Variants in RNF34 observed in about 807,000 individuals in gnomAD.
RNF34 encodes E3 ubiquitin-protein ligase RNF34.
A neutral mutation model predicts 37.9 loss-of-function variants in RNF34; 12 were observed. That is an observed-to-expected ratio of 0.32 (90% CI 0.20 to 0.51). RNF34 has a LOEUF of 0.51. Ranked by LOEUF, RNF34 falls within the 20% of genes least tolerant of loss-of-function variation. The pLI is 0.97. For missense variants in RNF34, 362 were observed against 472.7 expected, an observed-to-expected ratio of 0.77 and a Z score of 2.17; for synonymous variants, 155 against 177.2, an observed-to-expected ratio of 0.87 and a Z score of 1.00.
chr12:121,420,301 T>G lies in RNF34; in HGVS notation c.693T>G (p.Asp231Glu), dbSNP rs1290463874. The change falls in exon 4 of 6, where the codon GAT becomes GAG. Residue 231 changes from aspartate (D) to glutamate (E), a missense_variant. Transcript: ENST00000361234. Reference protein sequence around the residue: ...TEDDDDDDDEDDDDEEENAED... With the variant: ...TEDDDDDDDEEDDDEEENAED... ...ATGATGATGACGACGATGATGAGGA[T>G]GATGATGATGAAGAAGAAAACGCAG... 5 of 1,575,624 alleles carry G rather than the reference T, an allele frequency of 3.2e-6. No homozygotes were observed. Among genetic ancestry groups the G allele is most frequent in the Non-Finnish European group, 4.3e-6 (5 of 1,156,184 alleles).
intron 1 of RNF34, among the ~76,000 whole-genome samples, chr12:121,411,783 G>A (rs1555281393): frequency 6.6e-6 from 1 of 152,184 alleles, no homozygotes; most frequent in Non-Finnish European, 1.5e-5. Flanking sequence ...TAGTCCAGGA[G>A]GCAACATCAG....
intron 1 of RNF34, among the ~76,000 whole-genome samples, chr12:121,414,742 G>A (rs1246296102): frequency 2.0e-5 from 3 of 151,494 alleles, no homozygotes; most frequent in Non-Finnish European, 4.4e-5. Context: ...GCTTGATCTC[G>A]GATCACAACA....
At chr12:121,402,847 G>T (rs368630147) in intron 1 of RNF34, 3 of 1,459,142 alleles carry the variant, frequency 2.1e-6, no homozygotes, top group South Asian at 1.2e-5. Flanking sequence ...TGTAATAATC[G>T]ATCAGTTTGG....
At chr12:121,413,407 T>C (rs1351402856) in intron 1 of RNF34, among the ~76,000 whole-genome samples, 18 of 138,266 alleles carry the variant, frequency 1.3e-4, no homozygotes, top group African/African-American at 4.7e-4. Context: ...GTTATAATTT[T>C]ACCTGTCCTT....
intron 1 of RNF34, among the ~76,000 whole-genome samples, chr12:121,413,718 C>G (rs1192747568): frequency 6.6e-6 from 1 of 151,810 alleles, no homozygotes; most frequent in South Asian, 2.1e-4. Context: ...GCTGGGACTA[C>G]AGGCCCCACC....
At chr12:121,405,976 G>C (rs1555280621) in intron 1 of RNF34, among the ~76,000 whole-genome samples, 1 of 151,196 alleles carries the variant, frequency 6.6e-6, no homozygotes, top group Non-Finnish European at 1.5e-5. Context: ...TGTATTTTTA[G>C]TAGAGACGGG....
In RNF34 at chr12:121,415,840, C is replaced by CTT. The variant is rs782608817; in HGVS notation, c.7-299_7-298dup. Among the ~76,000 whole-genome samples, 462 of 108,060 alleles carry CTT rather than the reference C, an allele frequency of 4.3e-3. 13 individuals carry two copies. Among genetic ancestry groups the CTT allele is most frequent in the South Asian group, 0.019 (60 of 3,220 alleles). 70.9% of individuals were successfully genotyped at this position (108,060 alleles called of 152,430 possible). A position where few individuals can be genotyped will look rare whatever the true frequency, so the allele number is the denominator to read the frequency against. ...ACCACAGGACAGACTTTTGTCCAGTCTTTTTTTTTTTTTTTTTTTTTACAT... is the reference window on the plus strand; with the variant it reads ...ACCACAGGACAGACTTTTGTCCAGTCTTTTTTTTTTTTTTTTTTTTTTTACAT... On this transcript the variant is annotated intron_variant, in intron 1 of 5. Coordinates refer to ENST00000361234, the MANE Select transcript of RNF34 (RefSeq NM_025126.4).
intron 4 of RNF34, 112 bp downstream of exon 4, chr12:121,420,446 T>C (rs1343934347): frequency 6.5e-7 from 1 of 1,550,058 alleles, no homozygotes; most frequent in Non-Finnish European, 8.8e-7. Flanking sequence ...GGTTTGAATG[T>C]AGGACAGTAT....
intron 1 of RNF34, among the ~76,000 whole-genome samples, chr12:121,406,216 G>A (rs1168802252): frequency 6.6e-6 from 1 of 152,146 alleles, no homozygotes; most frequent in Non-Finnish European, 1.5e-5. Flanking sequence ...AATGACATGA[G>A]GATATCTAGG....
intron 5 of RNF34, among the ~76,000 whole-genome samples, chr12:121,422,403 A>G (rs1872246485): frequency 6.6e-6 from 1 of 151,104 alleles, no homozygotes. Context: ...CTCCACACAG[A>G]AGGAGAGACC....
At chr12:121,414,289 A>C (rs1225383783) in intron 1 of RNF34, among the ~76,000 whole-genome samples, 1 of 152,260 alleles carries the variant, frequency 6.6e-6, no homozygotes, top group Non-Finnish European at 1.5e-5. Flanking sequence ...AGATTCTAGA[A>C]TATGCTTAAG....
Position 121,417,206 on chromosome 12 carries a change from AGCTCTGTTTTGTTAATTACAT to A in RNF34, c.226-296_226-276del, listed in dbSNP as rs1307454338. 6.6e-6 allele frequency among the ~76,000 whole-genome samples: 1 copy of A among 152,238 alleles called. No individual in the cohort carries two copies. Among genetic ancestry groups the A allele is most frequent in the African/African-American group, 2.4e-5 (1 of 41,466 alleles). ...TCTGCTTTCTGCTCTGTGTGGTTCA[AGCTCTGTTTTGTTAATTACAT>A]GTTTATACCAAGGGGTGGAAAGGTT... On this transcript the variant is annotated intron_variant, in intron 2 of 5. Transcript: ENST00000361234. This position sits in a 1 kb window ranked among gnomAD's most constrained non-coding sequence, Gnocchi z 5.0.
intron 1 of RNF34, among the ~76,000 whole-genome samples, chr12:121,410,744 A>C (rs1870983939): frequency 6.6e-6 from 1 of 152,106 alleles, no homozygotes; most frequent in African/African-American, 2.4e-5. Context: ...TCATGTTCTC[A>C]TTGGAAGATT....
intron 1 of RNF34, among the ~76,000 whole-genome samples, chr12:121,404,162 ATT>A (rs372156640): frequency 1.1e-3 from 157 of 144,040 alleles, no homozygotes; most frequent in African/African-American, 3.5e-3. Flanking sequence ...TGCCCGGCTA[ATT>A]TTTTTTTTTT....
chr12:121,400,977 A>T (rs1444377290), intron 1 of RNF34, among the ~76,000 whole-genome samples: 1 of 152,172 alleles, frequency 6.6e-6, no homozygotes, highest in Non-Finnish European at 1.5e-5. Flanking sequence ...CAGTCAGTTC[A>T]GGGTATTGAT....
Position 121,420,286 on chromosome 12 carries a change from C to T in RNF34, c.678C>T (p.Asp226=), listed in dbSNP as rs202132357. Residue 226 remains aspartate (D), a synonymous_variant, in exon 4 of 6, where the codon GAC becomes GAT. Coordinates refer to ENST00000361234, the MANE Select transcript of RNF34 (RefSeq NM_025126.4). ...CAGCAAACACAGAAGATGATGATGA[C>T]GACGATGATGAGGATGATGATGATG... The part of the protein sequence containing the change: ...ITSANTEDDD[D]DDDEDDDDEE... The T allele has an allele frequency of 1.8e-5, 28 of 1,595,014 alleles. No homozygotes were observed. In the Admixed American group the frequency reaches 1.9e-4, roughly 11 times the overall value.
rs1555282210 is a variant in RNF34 at position 121,416,396 on chromosome 12, TACATAACA to T, written c.225+23_225+30del. 1 of 1,513,194 alleles carries T rather than the reference TACATAACA, an allele frequency of 6.6e-7. No individual in the cohort carries two copies. Among genetic ancestry groups the T allele is most frequent in the Non-Finnish European group, 9.2e-7 (1 of 1,088,022 alleles). The allele number at this position is 1,513,194 out of a possible 1,614,324, so 93.7% of individuals were successfully genotyped here. On this transcript the variant is annotated intron_variant, in intron 2 of 5. Coordinates refer to ENST00000361234, the MANE Select transcript of RNF34 (RefSeq NM_025126.4). ...AAAGAAGGTGAGTTGGATGAAATGT[TACATAACA>T]ACACACATGGGTCAGCATTCTTGAT...
chr12:121,423,848 T>C lies in RNF34; in HGVS notation c.*272T>C. On this transcript the variant is annotated 3_prime_UTR_variant, in exon 6 of 6. Coordinates refer to ENST00000361234, the MANE Select transcript of RNF34 (RefSeq NM_025126.4). This position sits in a 1 kb window ranked among gnomAD's most constrained non-coding sequence, Gnocchi z 4.3. ...CATTGAAGTCAGCCTGTTTGCGCCATGTGGGCATCAGCCACTGCTGTCTTG... is the reference window on the plus strand; with the variant it reads ...CATTGAAGTCAGCCTGTTTGCGCCACGTGGGCATCAGCCACTGCTGTCTTG... 2.6e-6 allele frequency: 1 copy of C among 388,660 alleles called. No homozygotes were observed. The highest frequency in any genetic ancestry group is 4.7e-6 in the Non-Finnish European group (1 of 212,624). 24.1% of individuals were successfully genotyped at this position (388,660 alleles called of 1,614,324 possible). A position where few individuals can be genotyped will look rare whatever the true frequency, so the allele number is the denominator to read the frequency against.
intron 2 of RNF34, among the ~76,000 whole-genome samples, chr12:121,416,884 CTTTAG>C (rs781967232): frequency 3.9e-5 from 6 of 152,128 alleles, no homozygotes; most frequent in African/African-American, 7.2e-5. Flanking sequence ...TCTCTTTGAT[CTTTAG>C]TTTAGTCTTC....
Sources: allele counts gnomAD v4.1 joint callset (sites outside exome capture counted in the v4.1 genomes callset), GRCh38; gene constraint gnomAD v4.1.1; non-coding constraint Gnocchi (gnomAD v3.1); transcripts MANE v1.5; gene names NCBI Gene and HGNC (gene_info 2026-07-23, HGNC 2026-07-21).